The following CAMKMT variants were observed in gnomAD, a reference collection of about 807,000 sequenced individuals.
The protein encoded by CAMKMT is calmodulin-lysine N-methyltransferase, also known as CaM KMT.
A neutral mutation model predicts 48.0 loss-of-function variants in CAMKMT; 53 were observed. The observed-to-expected ratio is 1.10, with a 90% CI of 0.89 to 1.39. The LOEUF is 1.39. Among genes scored for constraint, CAMKMT ranks in the 40% most tolerant of loss-of-function variants. CAMKMT has a pLI of 0.00. For missense variants in CAMKMT, 428 were observed against 402.7 expected, an observed-to-expected ratio of 1.06 and a Z score of -0.54; for synonymous variants, 165 against 152.3, an observed-to-expected ratio of 1.08 and a Z score of -0.61.
intron 10 of CAMKMT, among the ~76,000 whole-genome samples, chr2:44,768,298 CA>C (rs1192917637): frequency 4.8e-5 from 7 of 147,352 alleles, no homozygotes; most frequent in African/African-American, 1.5e-4. Context: ...GAATATTCTG[CA>C]GAGTTGGCAC....
chr2:44,434,858 G>T (rs1067359), intron 3 of CAMKMT, among the ~76,000 whole-genome samples: 105,506 of 151,990 alleles, frequency 0.69, 37,229 homozygotes, highest in South Asian at 0.79. Flanking sequence ...GTTTATGTTT[G>T]CATATATTAA....
chr2:44,425,996 G>C (rs2104522787), intron 3 of CAMKMT, among the ~76,000 whole-genome samples: 1 of 152,286 alleles, frequency 6.6e-6, no homozygotes, highest in East Asian at 1.9e-4. Flanking sequence ...CTCCCAAAGT[G>C]CTGGGATTAC....
chr2:44,394,594 A>G (rs1681652623), intron 3 of CAMKMT, among the ~76,000 whole-genome samples: 1 of 151,592 alleles, frequency 6.6e-6, no homozygotes, highest in South Asian at 2.1e-4. Context: ...TGTCCAGCTA[A>G]TTTTTGTCTT....
At chr2:44,623,093 T>G (rs1420591699) in intron 3 of CAMKMT, among the ~76,000 whole-genome samples, 1 of 152,206 alleles carries the variant, frequency 6.6e-6, no homozygotes, top group Non-Finnish European at 1.5e-5. Context: ...GTGATGAGCA[T>G]TTTTTCATGT....
At chr2:44,540,701 T>C (rs1380478504) in intron 3 of CAMKMT, among the ~76,000 whole-genome samples, 1 of 152,040 alleles carries the variant, frequency 6.6e-6, no homozygotes, top group Admixed American at 6.6e-5. Flanking sequence ...CAGTGAGCTG[T>C]CATTGTGCCA....
intron 3 of CAMKMT, among the ~76,000 whole-genome samples, chr2:44,499,864 A>C (rs748159433): frequency 3.3e-5 from 5 of 152,208 alleles, no homozygotes; most frequent in Admixed American, 6.5e-5. Flanking sequence ...CTTACTTAGG[A>C]GTAGTCTTTC....
intron 3 of CAMKMT, among the ~76,000 whole-genome samples, chr2:44,613,956 A>G (rs1671731403): frequency 6.6e-6 from 1 of 152,200 alleles, no homozygotes; most frequent in Non-Finnish European, 1.5e-5. Context: ...ACAAATATTA[A>G]TTAAAGGCAG....
chr2:44,364,952 G>C (rs1047415470), intron 1 of CAMKMT, among the ~76,000 whole-genome samples: 3 of 152,146 alleles, frequency 2.0e-5, no homozygotes, highest in African/African-American at 7.2e-5. Flanking sequence ...TTTGGCAAAG[G>C]CCAAATTCAA....
At chr2:44,501,773 G>T (rs547668614) in intron 3 of CAMKMT, among the ~76,000 whole-genome samples, 27 of 152,276 alleles carry the variant, frequency 1.8e-4, no homozygotes, top group Admixed American at 5.2e-4. Context: ...GTCCCAGCAG[G>T]AGGCTGAGGC....
chr2:44,437,616 G>T (rs1430830706), intron 3 of CAMKMT, among the ~76,000 whole-genome samples: 1 of 152,150 alleles, frequency 6.6e-6, no homozygotes, highest in African/African-American at 2.4e-5. Context: ...GGGAGGCTGA[G>T]GTGGTTGGAT....
At chr2:44,753,858 G>A (rs1680257701) in intron 8 of CAMKMT, among the ~76,000 whole-genome samples, 197 bp from the exon 9 acceptor site, 1 of 152,180 alleles carries the variant, frequency 6.6e-6, no homozygotes, top group South Asian at 2.1e-4. Context: ...TTGACAACTT[G>A]GCTTTAGTTG....
intron 3 of CAMKMT, among the ~76,000 whole-genome samples, chr2:44,493,443 A>T (rs1669609777): frequency 6.6e-6 from 1 of 152,108 alleles, no homozygotes; most frequent in Admixed American, 6.5e-5. Flanking sequence ...TGTCTCTCTC[A>T]AGTCTAAACA....
At chr2:44,391,154 G>A (rs1434782712) in intron 3 of CAMKMT, among the ~76,000 whole-genome samples, 7 of 152,160 alleles carry the variant, frequency 4.6e-5, no homozygotes, top group Admixed American at 3.3e-4. Flanking sequence ...TAACAATGCA[G>A]TTTTATCAAA....
At chr2:44,715,692 C>T (rs1678140032) in intron 7 of CAMKMT, among the ~76,000 whole-genome samples, 1 of 152,114 alleles carries the variant, frequency 6.6e-6, no homozygotes, top group Non-Finnish European at 1.5e-5. Flanking sequence ...AGCCTAGGAG[C>T]AGTTTTGCCC....
chr2:44,590,248 TG>T (rs1670178687), intron 3 of CAMKMT, among the ~76,000 whole-genome samples: 1 of 152,208 alleles, frequency 6.6e-6, no homozygotes, highest in Non-Finnish European at 1.5e-5. Context: ...GTCTGGTTTT[TG>T]TATTGGAGTA....
Position 44,362,022 on chromosome 2 carries a change from C to G in CAMKMT, c.15C>G (p.Val5=). 7.1e-7 allele frequency: 1 copy of G among 1,414,596 alleles called. No homozygotes were observed. Among genetic ancestry groups the G allele is most frequent in the Non-Finnish European group, 9.2e-7 (1 of 1,089,714 alleles). The allele number at this position is 1,414,596 out of a possible 1,614,324, so 87.6% of individuals were successfully genotyped here. Reference sequence around the variant, plus strand: ...GCTCCAGTGAGATGGAGTCGCGAGTCGCGGACGCTGGGACCGGCGAGACCG... The same window carrying G: ...GCTCCAGTGAGATGGAGTCGCGAGTGGCGGACGCTGGGACCGGCGAGACCG... MESR[V]ADAGTGETAR... The change falls in exon 1 of 11, where the codon GTC becomes GTG. Residue 5 remains valine (V), a synonymous_variant. Transcript: ENST00000378494.
At chr2:44,608,558 C>G (rs1022260749) in intron 3 of CAMKMT, among the ~76,000 whole-genome samples, 1 of 152,160 alleles carries the variant, frequency 6.6e-6, no homozygotes, top group African/African-American at 2.4e-5. Context: ...GTATCCCTTT[C>G]TAGCTATTTG....
At chr2:44,700,222 G>C (rs898810414) in intron 3 of CAMKMT, among the ~76,000 whole-genome samples, 2 of 152,182 alleles carry the variant, frequency 1.3e-5, no homozygotes, top group Non-Finnish European at 2.9e-5. Context: ...TTGGGCTTTG[G>C]CTTAAGAGAA....
At chr2:44,744,568 T>C (rs1344333722) in intron 8 of CAMKMT, among the ~76,000 whole-genome samples, 3 of 152,154 alleles carry the variant, frequency 2.0e-5, no homozygotes, top group Non-Finnish European at 4.4e-5. Context: ...TGATGTTTAT[T>C]AGGACACTTT....
Sources: allele counts gnomAD v4.1 joint callset (sites outside exome capture counted in the v4.1 genomes callset), GRCh38; gene constraint gnomAD v4.1.1; transcripts MANE v1.5; gene names NCBI Gene and HGNC (gene_info 2026-07-23, HGNC 2026-07-21).